Variants in UBASH3B observed in about 807,000 individuals in gnomAD.
The protein encoded by UBASH3B is ubiquitin-associated and SH3 domain-containing protein B.
UBASH3B carries 37 observed loss-of-function variants against 83.4 expected under a neutral mutation model. The observed-to-expected ratio is 0.44, with a 90% CI of 0.34 to 0.58. UBASH3B has a LOEUF of 0.58. Among genes scored for constraint, UBASH3B ranks in the 20% least tolerant of loss-of-function variants. The pLI, the probability that UBASH3B is intolerant of heterozygous loss-of-function variation, is 0.01. For missense variants in UBASH3B, 657 were observed against 827.2 expected (o/e 0.79, Z 2.52); for synonymous variants, 304 against 318.3 (o/e 0.96, Z 0.48).
chr11:122,793,016 T>C (rs957445242), intron 6 of UBASH3B, among the ~76,000 whole-genome samples: 23 of 152,272 alleles, frequency 1.5e-4, no homozygotes, highest in Admixed American at 2.6e-4. Context: ...CTTCTGAAAG[T>C]GAAGGAACAA....
At position 122,777,011 on chromosome 11, in the gene UBASH3B, TTCTG is replaced by T; in HGVS notation, c.216-9_216-6del. On this transcript the variant is annotated splice_polypyrimidine_tract_variant and intron_variant, in intron 2 of 13. Transcript: ENST00000284273. ...CTCAAGCGACACCTTGTTGGCTTAC[TTCTG>T]TCTTACAGGTTATTCTCCCATGTCG... The T allele has an allele frequency of 2.5e-6, 4 of 1,581,378 alleles. No homozygotes were observed. The highest frequency in any genetic ancestry group is 3.4e-6 in the Non-Finnish European group (4 of 1,162,044).
chr11:122,778,936 C>T (rs1860793442), intron 3 of UBASH3B, among the ~76,000 whole-genome samples: 1 of 152,132 alleles, frequency 6.6e-6, no homozygotes, highest in Non-Finnish European at 1.5e-5. Context: ...AAATTATATA[C>T]ATTTATGGCG....
At chr11:122,808,414 G>C (rs920736761) in intron 13 of UBASH3B, among the ~76,000 whole-genome samples, 2 of 152,242 alleles carry the variant, frequency 1.3e-5, no homozygotes, top group East Asian at 3.8e-4. Flanking sequence ...TAAAATGTAG[G>C]AAGCAGCTAG....
At chr11:122,703,164 T>C (rs1432641924) in intron 1 of UBASH3B, among the ~76,000 whole-genome samples, 2 of 152,080 alleles carry the variant, frequency 1.3e-5, no homozygotes, top group Non-Finnish European at 2.9e-5. Flanking sequence ...CGGTGGCTCA[T>C]GCCTGTAAAT....
intron 6 of UBASH3B, among the ~76,000 whole-genome samples, chr11:122,793,548 T>G (rs563123785): frequency 3.9e-5 from 6 of 152,240 alleles, no homozygotes; most frequent in African/African-American, 1.2e-4. Flanking sequence ...TCTATAAAAT[T>G]TAAATGTTTC....
chr11:122,788,914 C>T (rs1404591223), intron 5 of UBASH3B, among the ~76,000 whole-genome samples, 186 bp from the exon 6 acceptor site: 2 of 152,192 alleles, frequency 1.3e-5, no homozygotes, highest in South Asian at 2.1e-4. Context: ...ACCGTCAATA[C>T]CCTGAAGAGA....
chr11:122,756,872 C>T (rs1259529917), intron 1 of UBASH3B, among the ~76,000 whole-genome samples: 1 of 152,306 alleles, frequency 6.6e-6, no homozygotes, highest in South Asian at 2.1e-4. Flanking sequence ...AAGACAGAGA[C>T]TCAGCATGGT....
At chr11:122,717,143 G>T (rs769618644) in intron 1 of UBASH3B, among the ~76,000 whole-genome samples, 1 of 152,046 alleles carries the variant, frequency 6.6e-6, no homozygotes, top group Non-Finnish European at 1.5e-5. Context: ...CTGTCCTCTC[G>T]CCCCCAGAAA....
In UBASH3B at chr11:122,662,153, C is replaced by T. The variant is rs373074972; in HGVS notation, c.161+5943C>T. On this transcript the variant is annotated intron_variant, in intron 1 of 13. Coordinates refer to ENST00000284273, the MANE Select transcript of UBASH3B (RefSeq NM_032873.5). The stretch of plus-strand genomic sequence containing the variant: ...AACTCCTGACCTCAAGTGATCATCC[C>T]GCCTTGGCCTCCCAAAGTGCTGGGA... Among the ~76,000 whole-genome samples, 31 of 152,078 alleles carry T rather than the reference C, an allele frequency of 2.0e-4. No homozygotes were observed. The South Asian group carries it at 6.2e-3, about 31-fold the overall frequency.
intron 1 of UBASH3B, among the ~76,000 whole-genome samples, chr11:122,687,859 T>G (rs1863828322): frequency 6.6e-6 from 1 of 152,184 alleles, no homozygotes; most frequent in African/African-American, 2.4e-5. Flanking sequence ...CTGTCCTGTC[T>G]TACCTCCCTA....
At chr11:122,679,930 A>G (rs1863716922) in intron 1 of UBASH3B, among the ~76,000 whole-genome samples, 1 of 152,014 alleles carries the variant, frequency 6.6e-6, no homozygotes, top group Admixed American at 6.6e-5. Flanking sequence ...TCCCAAGTTC[A>G]AGTGATTCTC....
intron 1 of UBASH3B, among the ~76,000 whole-genome samples, chr11:122,722,931 T>G (rs1357087868): frequency 6.6e-6 from 1 of 152,184 alleles, no homozygotes; most frequent in Non-Finnish European, 1.5e-5. Flanking sequence ...GGTCTCGATC[T>G]CCTGATCTCA....
At chr11:122,753,756 A>G (rs969007867) in intron 1 of UBASH3B, among the ~76,000 whole-genome samples, 14 of 151,810 alleles carry the variant, frequency 9.2e-5, no homozygotes, top group African/African-American at 2.7e-4. Context: ...CGGCCTCCCA[A>G]AGTGCTGGGA....
intron 1 of UBASH3B, among the ~76,000 whole-genome samples, chr11:122,679,237 T>C (rs114338732): frequency 6.6e-5 from 10 of 152,250 alleles, no homozygotes; most frequent in African/African-American, 2.4e-4. Context: ...AGTGCGTGCA[T>C]AGGCACGATG....
intron 10 of UBASH3B, 146 bp downstream of exon 10, chr11:122,799,180 C>T: frequency 1.4e-6 from 1 of 729,542 alleles, no homozygotes; most frequent in Admixed American, 2.5e-5. Context: ...AGAAGGCGAT[C>T]TTTGCACAAG....
intron 5 of UBASH3B, among the ~76,000 whole-genome samples, chr11:122,784,069 T>G (rs898426766): frequency 2.0e-5 from 3 of 152,002 alleles, no homozygotes; most frequent in African/African-American, 2.4e-5. Context: ...GCCTCCCTAG[T>G]AGCTGGGATT....
intron 5 of UBASH3B, among the ~76,000 whole-genome samples, chr11:122,787,362 A>T (rs538132444): frequency 3.3e-5 from 5 of 152,336 alleles, no homozygotes; most frequent in Admixed American, 3.3e-4. Context: ...GGAGGCAATC[A>T]GAGCAGGGAA....
chr11:122,709,895 G>T (rs1252797362), intron 1 of UBASH3B, among the ~76,000 whole-genome samples: 1 of 152,094 alleles, frequency 6.6e-6, no homozygotes, highest in Non-Finnish European at 1.5e-5. Flanking sequence ...TGTGGGTCGC[G>T]CCTGTAATCC....
chr11:122,673,492 CAAAAAT>C (rs1175494777), intron 1 of UBASH3B, among the ~76,000 whole-genome samples: 6 of 152,066 alleles, frequency 3.9e-5, no homozygotes, highest in African/African-American at 1.2e-4. Context: ...ACTAAAAATA[CAAAAAT>C]AAAAATAAAA....
Sources: allele counts gnomAD v4.1 joint callset (sites outside exome capture counted in the v4.1 genomes callset), GRCh38; gene constraint gnomAD v4.1.1; transcripts MANE v1.5; gene names NCBI Gene and HGNC (gene_info 2026-07-23, HGNC 2026-07-21).